Variants in RTF1 observed in about 807,000 individuals in gnomAD.
RTF1 encodes the protein RNA polymerase-associated protein RTF1 homolog.
In RTF1, 10 loss-of-function variants were observed where a neutral mutation model predicts 95.7. The observed-to-expected ratio is 0.10, with a 90% CI of 0.06 to 0.18. The LOEUF is 0.18. Ranked by LOEUF, RTF1 falls within the 10% of genes least tolerant of loss-of-function variation. RTF1 has a pLI of 1.00. For missense variants in RTF1, 458 were observed against 875.6 expected, an observed-to-expected ratio of 0.52 and a Z score of 6.02; for synonymous variants, 305 against 311.8, an observed-to-expected ratio of 0.98 and a Z score of 0.23.
chr15:41,426,558 GC>G (rs1270237825), intron 1 of RTF1, among the ~76,000 whole-genome samples: 1 of 151,734 alleles, frequency 6.6e-6, no homozygotes, highest in African/African-American at 2.4e-5. Context: ...GCCCACCTCG[GC>G]TTCCCGAACT....
At chr15:41,456,727 T>G (rs967794862) in intron 3 of RTF1, among the ~76,000 whole-genome samples, 1 of 151,608 alleles carries the variant, frequency 6.6e-6, no homozygotes, top group African/African-American at 2.4e-5. Context: ...GAGGTGGAGA[T>G]GGCAGTGAGC....
intron 2 of RTF1, among the ~76,000 whole-genome samples, chr15:41,439,382 A>C (rs1316117481): frequency 6.6e-6 from 1 of 152,098 alleles, no homozygotes; most frequent in East Asian, 1.9e-4. Flanking sequence ...TTCAAGTTAG[A>C]AAATAAATTC....
intron 1 of RTF1, among the ~76,000 whole-genome samples, chr15:41,429,759 C>T (rs763607421): frequency 9.2e-5 from 14 of 152,120 alleles, no homozygotes; most frequent in Admixed American, 2.6e-4. Flanking sequence ...CTTTTCCTCT[C>T]GTGAAGTTTC....
chr15:41,436,719 G>C (rs2050705256), intron 1 of RTF1, among the ~76,000 whole-genome samples: 1 of 152,048 alleles, frequency 6.6e-6, no homozygotes, highest in Non-Finnish European at 1.5e-5. Flanking sequence ...GCTTGAATCT[G>C]GGAGGTGGAG....
At chr15:41,480,077 G>A (rs1045622910) in intron 16 of RTF1, 137 bp from the exon 17 acceptor site, 1 of 621,738 alleles carries the variant, frequency 1.6e-6, no homozygotes, top group Non-Finnish European at 2.9e-6. Context: ...CTCCCTCTGA[G>A]AGAAGGAATC....
At chr15:41,437,723 A>C (rs1198069423) in intron 1 of RTF1, among the ~76,000 whole-genome samples, 2 of 152,142 alleles carry the variant, frequency 1.3e-5, no homozygotes, top group Non-Finnish European at 1.5e-5. Flanking sequence ...ATTTCGCTTA[A>C]ATGACCAGGA....
At chr15:41,466,959 G>A (rs77358972) in intron 6 of RTF1, among the ~76,000 whole-genome samples, 7,698 of 152,200 alleles carry the variant, frequency 0.051, 237 homozygotes, top group East Asian at 0.16. Flanking sequence ...TTGTTCTGTT[G>A]TTGTCATTGT....
chr15:41,427,474 C>T (rs1246368829), intron 1 of RTF1, among the ~76,000 whole-genome samples: 1 of 152,022 alleles, frequency 6.6e-6, no homozygotes, highest in African/African-American at 2.4e-5. Flanking sequence ...AAAAAATTAG[C>T]TGAGTGTGGT....
intron 2 of RTF1, among the ~76,000 whole-genome samples, chr15:41,442,901 A>G (rs1472676626): frequency 1.3e-5 from 2 of 152,080 alleles, no homozygotes; most frequent in Non-Finnish European, 2.9e-5. Context: ...AAATAAATAA[A>G]TTAAATAAAG....
intron 8 of RTF1, 133 bp from the exon 9 acceptor site, chr15:41,474,487 C>G: frequency 1.4e-6 from 1 of 690,110 alleles, no homozygotes; most frequent in Admixed American, 2.2e-5. Context: ...TTTCTCAGAA[C>G]CCCTGGCAGC....
At chr15:41,426,614 T>G (rs2050631083) in intron 1 of RTF1, among the ~76,000 whole-genome samples, 1 of 132,388 alleles carries the variant, frequency 7.6e-6, no homozygotes. Flanking sequence ...CATTTTTTTG[T>G]ATTTTTAGTA....
chr15:41,442,592 TG>T (rs2050741326), intron 2 of RTF1, among the ~76,000 whole-genome samples: 2 of 152,020 alleles, frequency 1.3e-5, no homozygotes, highest in Non-Finnish European at 2.9e-5. Context: ...GTTGTTAAAG[TG>T]GCAATTCTCG....
At chr15:41,428,986 C>A (rs2050654019) in intron 1 of RTF1, among the ~76,000 whole-genome samples, 1 of 152,198 alleles carries the variant, frequency 6.6e-6, no homozygotes, top group Non-Finnish European at 1.5e-5. Context: ...ATCTGCCCAT[C>A]TTGGCCTCCC....
intron 2 of RTF1, among the ~76,000 whole-genome samples, chr15:41,452,155 G>A (rs187208976): frequency 1.0e-3 from 156 of 152,356 alleles, no homozygotes; most frequent in Non-Finnish European, 1.5e-3. Context: ...CTAGGCTGGG[G>A]CCAGGCACAG....
At chr15:41,431,688 G>A (rs554254653) in intron 1 of RTF1, among the ~76,000 whole-genome samples, 42 of 151,800 alleles carry the variant, frequency 2.8e-4, no homozygotes, top group Non-Finnish European at 5.3e-4. Context: ...TTGTACAGAC[G>A]GGGTTTCACC....
In RTF1 at chr15:41,417,225, G is replaced by T. The variant is rs770851028; in HGVS notation, c.110G>T (p.Arg37Leu). Residue 37 changes from arginine to leucine, a missense_variant, in exon 1 of 18, where the codon CGG becomes CTG. By Grantham distance (102) the Arg-to-Leu change is moderately radical. This residue lies in a region of RTF1 where 81 missense variants were observed against 59.9 expected (regional missense o/e 1.35). Coordinates refer to ENST00000389629, the MANE Select transcript of RTF1 (RefSeq NM_015138.5). ...GSPGGGRRGSRGTTMVKKRKG... is the reference protein window; with the variant it reads ...GSPGGGRRGSLGTTMVKKRKG... ...CCGGGCGGCGGCCGGCGTGGGAGCC[G>T]GGGGACCACCATGGTAAAGAAGCGG... 10 of 1,259,752 alleles carry T rather than the reference G, an allele frequency of 7.9e-6. No homozygotes were observed. Among genetic ancestry groups the T allele is most frequent in the Non-Finnish European group, 4.0e-6 (4 of 996,422 alleles). The allele number at this position is 1,259,752 out of a possible 1,614,324, so 78.0% of individuals were successfully genotyped here.
intron 1 of RTF1, among the ~76,000 whole-genome samples, chr15:41,420,816 G>T (rs2050596697): frequency 6.6e-6 from 1 of 152,148 alleles, no homozygotes; most frequent in African/African-American, 2.4e-5. Context: ...CTTAGAGGGT[G>T]CAGCAGTTCC....
At chr15:41,420,641 T>C (rs893731543) in intron 1 of RTF1, among the ~76,000 whole-genome samples, 10 of 152,040 alleles carry the variant, frequency 6.6e-5, no homozygotes, top group African/African-American at 2.4e-4. Context: ...TGTCCCTGGG[T>C]TTTTCAGATG....
chr15:41,470,375 G>A lies in RTF1; in HGVS notation c.1008G>A (p.Ser336=), dbSNP rs377477861. ...EKSDRSSRTS[S]SDEEEEKEEI... ...CAGACCGCTCATCACGAACATCATC[G>A]TCTGATGAAGAAGAGGAGTAAGCTC... is the stretch of plus-strand genomic sequence containing the variant. Residue 336 remains serine, a synonymous_variant, in exon 7 of 18, where the codon TCG becomes TCA. Coordinates refer to ENST00000389629, the MANE Select transcript of RTF1 (RefSeq NM_015138.5). 12 of 1,614,092 alleles carry A rather than the reference G, an allele frequency of 7.4e-6. No individual in the cohort carries two copies. The East Asian group carries it at 1.3e-4, about 18-fold the overall frequency.
Sources: gnomAD v4.1 joint callset for allele counts (sites outside exome capture counted in the v4.1 genomes callset) on GRCh38, gnomAD v4.1.1 for gene constraint, gnomAD v4.1.1 regional missense constraint, MANE v1.5 for transcripts, NCBI Gene and HGNC (gene_info 2026-07-23, HGNC 2026-07-21) for gene names.